The following RIMS2 variants were observed in gnomAD, a reference collection of about 807,000 sequenced individuals.
RIMS2 encodes the protein regulating synaptic membrane exocytosis protein 2.
In RIMS2, 59 loss-of-function variants were observed where a neutral mutation model predicts 174.4. The observed-to-expected ratio is 0.34, with a 90% CI of 0.27 to 0.42. RIMS2 has a LOEUF of 0.42. RIMS2 is among the 10% of genes least tolerant of loss of function. The pLI is 1.00. For synonymous variants in RIMS2, 606 were observed against 572.5 expected, an observed-to-expected ratio of 1.06 and a Z score of -0.84; for missense variants, 1,620 against 1,666.3, an observed-to-expected ratio of 0.97 and a Z score of 0.48.
At position 103,989,429 on chromosome 8, in the gene RIMS2, T is replaced by G; in HGVS notation, c.3044+8T>G. On this transcript the variant is annotated splice_region_variant and intron_variant, in intron 17 of 23. Transcript: ENST00000504942. ...TTCTCCAGATAGAGACAGGTAAATA[T>G]GATTAAATACTATTAGACCTTATTA... The G allele has an allele frequency of 2.9e-6, 4 of 1,393,082 alleles. No individual in the cohort carries two copies. The highest frequency in any genetic ancestry group is 3.1e-6 in the Non-Finnish European group (3 of 979,408). The allele number at this position is 1,393,082 out of a possible 1,614,324, so 86.3% of individuals were successfully genotyped here.
intron 17 of RIMS2, among the ~76,000 whole-genome samples, chr8:104,000,430 A>G (rs1167662378): frequency 6.6e-6 from 1 of 151,770 alleles, no homozygotes; most frequent in Admixed American, 6.6e-5. Context: ...GTGTGTATAC[A>G]TATCACATTT....
At chr8:103,662,273 C>A (rs1262644040) in intron 1 of RIMS2, among the ~76,000 whole-genome samples, 1 of 152,056 alleles carries the variant, frequency 6.6e-6, no homozygotes, top group East Asian at 1.9e-4. Context: ...GTGATCTCTT[C>A]TAAAATACAA....
chr8:104,256,086 T>C (rs1185100468), downstream of RIMS2: 2 of 152,200 alleles, frequency 1.3e-5, no homozygotes, highest in African/African-American at 4.8e-5. Context: ...TAAACATCTG[T>C]CCAATGAAGG....
intron 19 of RIMS2, among the ~76,000 whole-genome samples, chr8:104,212,900 G>A (rs1425963703): frequency 1.3e-5 from 2 of 152,162 alleles, no homozygotes; most frequent in African/African-American, 4.8e-5. Flanking sequence ...GAGTATGGTG[G>A]GGGTGTGTTA....
At chr8:103,644,564 A>G (rs1479501759) in intron 1 of RIMS2, among the ~76,000 whole-genome samples, 1 of 152,048 alleles carries the variant, frequency 6.6e-6, no homozygotes, top group Admixed American at 6.6e-5. Flanking sequence ...TTAATTCATT[A>G]TCTCAACATT....
chr8:104,082,211 GA>G (rs1566250039), intron 19 of RIMS2, among the ~76,000 whole-genome samples: 1 of 151,876 alleles, frequency 6.6e-6, no homozygotes, highest in Non-Finnish European at 1.5e-5. Flanking sequence ...GAAGAGAGGG[GA>G]AAAAAGAAAA....
intron 2 of RIMS2, among the ~76,000 whole-genome samples, chr8:103,758,856 A>G (rs1167991611): frequency 2.0e-5 from 3 of 152,236 alleles, no homozygotes; most frequent in African/African-American, 7.2e-5. Context: ...GAAAAGTAAT[A>G]GAGAGGGTTA....
chr8:103,914,706 C>G (rs1257510072), intron 6 of RIMS2, among the ~76,000 whole-genome samples: 2 of 152,096 alleles, frequency 1.3e-5, no homozygotes, highest in Non-Finnish European at 2.9e-5. Flanking sequence ...ATAACTTTCA[C>G]TCTATTTAGA....
At chr8:103,544,523 G>A (rs991275465) in intron 1 of RIMS2, among the ~76,000 whole-genome samples, 5 of 152,086 alleles carry the variant, frequency 3.3e-5, no homozygotes, top group Admixed American at 6.6e-5. Context: ...CACCTAGATG[G>A]CAGGGCAGGC....
intron 16 of RIMS2, among the ~76,000 whole-genome samples, chr8:103,981,721 G>A (rs2093919631): frequency 6.6e-6 from 1 of 152,044 alleles, no homozygotes; most frequent in African/African-American, 2.4e-5. Context: ...GGATATTCTA[G>A]TGTTGAAATA....
At chr8:103,652,133 A>G (rs2096462338) in intron 1 of RIMS2, 72 bp from the exon 2 acceptor site, 2 of 771,170 alleles carry the variant, frequency 2.6e-6, no homozygotes, top group African/African-American at 3.7e-5. Context: ...TCCATTTTAT[A>G]TGAACACAAA....
At chr8:104,224,403 G>A (rs563524044) in intron 19 of RIMS2, among the ~76,000 whole-genome samples, 4 of 152,184 alleles carry the variant, frequency 2.6e-5, no homozygotes, top group Non-Finnish European at 5.9e-5. Context: ...TTCACCAGTT[G>A]ATTTGGAGTT....
chr8:103,787,604 C>T (rs1470299853), intron 3 of RIMS2, among the ~76,000 whole-genome samples: 7 of 152,172 alleles, frequency 4.6e-5, no homozygotes, highest in South Asian at 4.1e-4. Context: ...TTGGCCCCTA[C>T]TCTCTTCTTG....
chr8:103,647,073 A>G (rs1298046784), intron 1 of RIMS2, among the ~76,000 whole-genome samples: 2 of 152,196 alleles, frequency 1.3e-5, no homozygotes, highest in African/African-American at 4.8e-5. Flanking sequence ...CCTGTTCTGC[A>G]TCTAATGAGA....
At chr8:103,830,882 C>T (rs1160969437) in intron 3 of RIMS2, among the ~76,000 whole-genome samples, 2 of 152,186 alleles carry the variant, frequency 1.3e-5, no homozygotes, top group Non-Finnish European at 2.9e-5. Flanking sequence ...AGCCTTGGCT[C>T]ACCACAGCCT....
intron 19 of RIMS2, among the ~76,000 whole-genome samples, chr8:104,206,180 A>C (rs532308953): frequency 6.6e-6 from 1 of 152,104 alleles, no homozygotes; most frequent in African/African-American, 2.4e-5. Context: ...TAATTGTCAA[A>C]GTTTGTTTTA....
rs368814042 is a variant in RIMS2, at chr8:103,953,583, C to T, written c.2702-7482C>T. 9.9e-5 allele frequency among the ~76,000 whole-genome samples: 15 copies of T among 152,182 alleles called. No individual in the cohort carries two copies. In the East Asian group the frequency reaches 1.2e-3, roughly 12 times the overall value. Reference sequence around the variant, plus strand: ...TTTTGTCACCACCAGGCCTGTCCTACGAGAGCTCCTGAAGGAATCACTAAA... The same window carrying T: ...TTTTGTCACCACCAGGCCTGTCCTATGAGAGCTCCTGAAGGAATCACTAAA... On this transcript the variant is annotated intron_variant, in intron 14 of 23. Transcript: ENST00000504942.
chr8:103,635,063 G>A (rs1043091021), intron 1 of RIMS2, among the ~76,000 whole-genome samples: 1 of 152,106 alleles, frequency 6.6e-6, no homozygotes, highest in African/African-American at 2.4e-5. Context: ...TCATTGTGCT[G>A]TTGGTTGATT....
At chr8:103,784,983 A>T (rs150184660) in intron 3 of RIMS2, among the ~76,000 whole-genome samples, 1 of 142,058 alleles carries the variant, frequency 7.0e-6, no homozygotes, top group Admixed American at 7.1e-5. Flanking sequence ...GAGGTTCTTC[A>T]CATCCCTTGT....
Sources: allele counts gnomAD v4.1 joint callset (sites outside exome capture counted in the v4.1 genomes callset), GRCh38; gene constraint gnomAD v4.1.1; transcripts MANE v1.5; gene names NCBI Gene and HGNC (gene_info 2026-07-23, HGNC 2026-07-21).